The following IFI35 variants were observed in gnomAD, a reference collection of about 807,000 sequenced individuals.
IFI35 encodes interferon induced protein 35.
In IFI35, 30 loss-of-function variants were observed where a neutral mutation model predicts 28.6. The observed-to-expected ratio is 1.05, with a 90% CI of 0.79 to 1.43. The LOEUF (loss-of-function observed/expected upper bound fraction) is 1.43. Among genes scored for constraint, IFI35 ranks in the 40% most tolerant of loss-of-function variants. IFI35 has a pLI of 0.00. For missense variants in IFI35, 372 were observed against 356.9 expected (o/e 1.04, Z -0.34); for synonymous variants, 146 against 154.8 (o/e 0.94, Z 0.42).
At chr17:43,009,563 G>A (rs540914497) in intron 1 of IFI35, among the ~76,000 whole-genome samples, 2 of 152,100 alleles carry the variant, frequency 1.3e-5, no homozygotes, top group Non-Finnish European at 2.9e-5. Flanking sequence ...GACCATCCTG[G>A]CCAACATGGT....
At chr17:43,007,773 C>A (rs1318917927) in intron 1 of IFI35, among the ~76,000 whole-genome samples, 4 of 148,034 alleles carry the variant, frequency 2.7e-5, no homozygotes, top group African/African-American at 1.0e-4. Context: ...TTGCAGTGAG[C>A]CGAGATTGTA....
At chr17:43,007,740 T>C (rs1422670423) in intron 1 of IFI35, among the ~76,000 whole-genome samples, 2 of 137,362 alleles carry the variant, frequency 1.5e-5, no homozygotes, top group African/African-American at 5.5e-5. Context: ...GCGGGAGAAT[T>C]GCTTGAACCT....
chr17:43,012,883 A>G, intron 2 of IFI35, 164 bp from the exon 3 acceptor site: 1 of 728,546 alleles, frequency 1.4e-6, no homozygotes, highest in Non-Finnish European at 2.3e-6. Flanking sequence ...TTGTATGTAA[A>G]TTGCCCTGTA....
At chr17:43,007,326 G>A (rs2050416244) in intron 1 of IFI35, among the ~76,000 whole-genome samples, 1 of 151,968 alleles carries the variant, frequency 6.6e-6, no homozygotes, top group East Asian at 1.9e-4. Context: ...GCAATACAGT[G>A]AAAATCCGTC....
chr17:43,014,178 T>C lies in IFI35; in HGVS notation c.740T>C (p.Leu247Pro), dbSNP rs1323246396. The C allele has an allele frequency of 3.0e-5, 49 of 1,613,896 alleles. No individual in the cohort carries two copies. Among genetic ancestry groups the C allele is most frequent in the Non-Finnish European group, 4.0e-5 (47 of 1,179,950 alleles). Residue 247 changes from leucine (L) to proline (P), a missense_variant, in exon 7 of 7, where the codon CTG (leucine) becomes CCG (proline). Physicochemically the swap from Leu to Pro is moderately conservative, Grantham distance 98. Coordinates refer to ENST00000415816, the MANE Select transcript of IFI35 (RefSeq NM_001330230.2). ...NIPDILDGPE[L>P]HDVLEIHFQK... ...CCTGATATCTTGGATGGCCCGGAGC[T>C]GCATGACGTCCTGGAGATCCACTTC...
intron 1 of IFI35, among the ~76,000 whole-genome samples, chr17:43,010,141 C>T (rs1024727564): frequency 4.6e-5 from 7 of 150,588 alleles, no homozygotes; most frequent in African/African-American, 1.7e-4. Context: ...GAGGCTGAGG[C>T]AGGAGAATGA....
chr17:43,007,502 CTAA>C (rs1212980402), intron 1 of IFI35, among the ~76,000 whole-genome samples: 129 of 129,306 alleles, frequency 1.0e-3, no homozygotes, highest in African/African-American at 3.7e-3. Context: ...GAGACTCTGT[CTAA>C]AAAAAAAAAA....
intron 3 of IFI35, 33 bp from the exon 4 acceptor site, chr17:43,013,234 T>C (rs1478680551): frequency 5.6e-6 from 9 of 1,613,330 alleles, no homozygotes; most frequent in Non-Finnish European, 7.6e-6. Context: ...GTGGGGAGGG[T>C]TCCCAGTACT....
At chr17:43,008,100 T>G (rs1456292151) in intron 1 of IFI35, among the ~76,000 whole-genome samples, 4 of 146,318 alleles carry the variant, frequency 2.7e-5, no homozygotes, top group Admixed American at 6.9e-5. Context: ...AGTGGCATGA[T>G]CTCGGCTCAC....
Position 43,013,619 on chromosome 17 carries a change from G to A in IFI35, c.519G>A (p.Glu173=), listed in dbSNP as rs148110949. 51 of 1,614,146 alleles carry A rather than the reference G, an allele frequency of 3.2e-5. No homozygotes were observed. In the African/African-American group the frequency reaches 5.6e-4, roughly 18 times the overall value. ...GAGGTGGCGATGTGGACGTTCGGGA[G>A]CTACTGCCAGGGAGTGTCATGCTGG... ...RNGGGDVDVR[E]LLPGSVMLGF... The change falls in exon 5 of 7, where the codon GAG becomes GAA. Residue 173 remains glutamate (E), a synonymous_variant. Transcript: ENST00000415816.
Position 43,013,496 on chromosome 17 carries a change from C to T in IFI35, c.396C>T (p.Gly132=). The change falls in exon 5 of 7, where the codon GGC becomes GGT. Residue 132 remains glycine (G), a synonymous_variant. Coordinates refer to ENST00000415816, the MANE Select transcript of IFI35 (RefSeq NM_001330230.2). ...CCTAGATGTCCAGCCAGTTGAGTGGCCGGAGGGTGTTGGTCACTGGATTTC... is the reference window on the plus strand; with the variant it reads ...CCTAGATGTCCAGCCAGTTGAGTGGTCGGAGGGTGTTGGTCACTGGATTTC... ...TTIQMSSQLS[G]RRVLVTGFPA... 6.2e-7 allele frequency: 1 copy of T among 1,613,942 alleles called. No homozygotes were observed. The highest frequency in any genetic ancestry group is 8.5e-7 in the Non-Finnish European group (1 of 1,179,922).
In IFI35 at chr17:43,012,769, C is replaced by T. The variant is rs907647732; in HGVS notation, c.121-278C>T. ...ACACAAAAAAGAGCTGGGGAGTTCT[C>T]GGTTTTATTCCTGGCTCTGCTACTT... is the stretch of plus-strand genomic sequence containing the variant. On this transcript the variant is annotated intron_variant, in intron 2 of 6. Coordinates refer to ENST00000415816, the MANE Select transcript of IFI35 (RefSeq NM_001330230.2). Among the ~76,000 whole-genome samples, 4 of 152,034 alleles carry T rather than the reference C, an allele frequency of 2.6e-5. No individual in the cohort carries two copies. In the South Asian group the frequency reaches 6.2e-4, roughly 24 times the overall value.
In IFI35 at chr17:43,006,920, C is replaced by T. The variant is rs769200342; in HGVS notation, c.-28C>T. ...GCCACTGTGCCCAGCTCTGAAGCCT[C>T]AGCTCTTGCCAAACAGACCCGAGAC... On this transcript the variant is annotated 5_prime_UTR_variant, in exon 1 of 7. Coordinates refer to ENST00000415816, the MANE Select transcript of IFI35 (RefSeq NM_001330230.2). The T allele has an allele frequency of 6.2e-7, 1 of 1,613,962 alleles. No homozygotes were observed. Among genetic ancestry groups the T allele is most frequent in the Non-Finnish European group, 8.5e-7 (1 of 1,179,836 alleles).
At chr17:43,012,558 T>A in intron 2 of IFI35, 1 of 258,310 alleles carries the variant, frequency 3.9e-6, no homozygotes. Flanking sequence ...GCCAACAGGG[T>A]GAAACCCCGT....
intron 1 of IFI35, 127 bp downstream of exon 1, chr17:43,007,095 G>T: frequency 1.9e-6 from 2 of 1,031,798 alleles, no homozygotes; most frequent in Non-Finnish European, 3.1e-6. Context: ...CTGAAGGGCT[G>T]GGGAGAAACA....
intron 1 of IFI35, among the ~76,000 whole-genome samples, chr17:43,007,873 A>ATATATATATATATATATATATATATG (rs199777802): frequency 7.4e-6 from 1 of 134,570 alleles, no homozygotes; most frequent in African/African-American, 2.9e-5. Flanking sequence ...ATATATATAT[A>ATATATATATATATATATATATATATG]CTATAAGAAT....
rs145021655 is a variant in IFI35 at position 43,014,239 on chromosome 17, C to A, written c.801C>A (p.Ala267=). 16 of 1,610,536 alleles carry A rather than the reference C, an allele frequency of 9.9e-6. No homozygotes were observed. The highest frequency in any genetic ancestry group is 1.3e-5 in the African/African-American group (1 of 74,994). Residue 267 remains alanine (A), a synonymous_variant, in exon 7 of 7, where the codon GCC becomes GCA. Coordinates refer to ENST00000415816, the MANE Select transcript of IFI35 (RefSeq NM_001330230.2). ...CCCGCGGGGGCGGGGAGGTAGAGGC[C>A]CTGACAGTCGTACCCCAAGGACAGC... is the stretch of plus-strand genomic sequence containing the variant. The part of the protein sequence containing the change: ...KPTRGGGEVE[A]LTVVPQGQQG...
At position 43,014,364 on chromosome 17, in the gene IFI35, G is replaced by A. The variant is rs960986788; in HGVS notation, c.*65G>A. 11 of 1,205,256 alleles carry A rather than the reference G, an allele frequency of 9.1e-6. No individual in the cohort carries two copies. The highest frequency in any genetic ancestry group is 1.3e-5 in the Non-Finnish European group (11 of 869,464). The allele number at this position is 1,205,256 out of a possible 1,614,324, so 74.7% of individuals were successfully genotyped here. On this transcript the variant is annotated 3_prime_UTR_variant, in exon 7 of 7. Coordinates refer to ENST00000415816, the MANE Select transcript of IFI35 (RefSeq NM_001330230.2). Reference sequence around the variant, plus strand: ...TTCTCACACTGGCCTGGGCTTGGGTGCCCATATAGGAGGTCTGTATGTTCA... The same window carrying A: ...TTCTCACACTGGCCTGGGCTTGGGTACCCATATAGGAGGTCTGTATGTTCA...
At chr17:43,014,039 T>C (rs1443796976) in intron 6 of IFI35, 69 bp from the exon 7 acceptor site, 4 of 1,494,180 alleles carry the variant, frequency 2.7e-6, no homozygotes, top group East Asian at 2.3e-5. Context: ...CATGGGGCAC[T>C]GCCTGCCCTA....
Sources: gnomAD v4.1 joint callset for allele counts (sites outside exome capture counted in the v4.1 genomes callset) on GRCh38, gnomAD v4.1.1 for gene constraint, MANE v1.5 for transcripts, NCBI Gene and HGNC (gene_info 2026-07-23, HGNC 2026-07-21) for gene names.